HSPB2: variants seen among roughly 807,000 people sequenced by gnomAD.
The protein encoded by HSPB2 is heat shock protein family B (small) member 2, also known as heat shock protein beta-2.
Under a neutral mutation model 14.1 loss-of-function variants are expected in HSPB2, and 14 were observed. The ratio of observed to expected loss-of-function variants is 0.99; its 90% CI spans 0.66 to 1.55. The LOEUF (loss-of-function observed/expected upper bound fraction) is 1.55, where lower values mean the gene tolerates loss of function less well. Ranked by LOEUF, HSPB2 falls within the 40% of genes most tolerant of loss-of-function variation. The pLI is 0.00. For synonymous variants in HSPB2, 110 were observed against 103.4 expected (o/e 1.06, Z -0.39); for missense variants, 242 against 241.7 (o/e 1.00, Z -0.01).
chr11:111,913,217 C>T, intron 1 of HSPB2: 2 of 604,302 alleles, frequency 3.3e-6, no homozygotes, highest in South Asian at 2.0e-5. Flanking sequence ...TCCTCCTCCC[C>T]CTCCTCCTCC....
At position 111,913,858 on chromosome 11, in the gene HSPB2, C is replaced by A. The variant is rs1566416016; in HGVS notation, c.512C>A (p.Pro171Gln). 6.2e-7 allele frequency: 1 copy of A among 1,612,946 alleles called. No homozygotes were observed. Among genetic ancestry groups the A allele is most frequent in the Non-Finnish European group, 8.5e-7 (1 of 1,179,476 alleles). Residue 171 changes from proline to glutamine, a missense_variant, in exon 2 of 2, where the codon CCA (proline) becomes CAA (glutamine). Pro to Gln is a moderately conservative substitution (Grantham distance 76). Transcript: ENST00000304298. Reference sequence around the variant, plus strand: ...TCCCTGCTCCCTGCGCCTCCTGATCCAGAGGAAGAGGAGGAGGCAGCCATA... The same window carrying A: ...TCCCTGCTCCCTGCGCCTCCTGATCAAGAGGAAGAGGAGGAGGCAGCCATA... ...YISLLPAPPD[P>Q]EEEEEAAIVE...
rs1965557779 is a variant in HSPB2 at position 111,914,051 on chromosome 11, G to C, written c.*156G>C. On this transcript the variant is annotated 3_prime_UTR_variant, in exon 2 of 2. Transcript: ENST00000304298. ...GTCCCATGGGACATGTCATAGCCTT[G>C]GTTTAGTTTTGGGTGGAGCTGAATA... 1 of 719,358 alleles carries C rather than the reference G, an allele frequency of 1.4e-6. No homozygotes were observed. The highest frequency in any genetic ancestry group is 1.8e-5 in the African/African-American group (1 of 55,938). The allele number at this position is 719,358 out of a possible 1,614,324, so 44.6% of individuals were successfully genotyped here.
In HSPB2 at chr11:111,913,927, C is replaced by A. The variant is rs782391081; in HGVS notation, c.*32C>A. On this transcript the variant is annotated 3_prime_UTR_variant, in exon 2 of 2. Coordinates refer to ENST00000304298, the MANE Select transcript of HSPB2 (RefSeq NM_001541.4). ...CAGACCCAGCACCCAGCAAATCCCT[C>A]TCTACCTCCCAAGGTGATATGGGCA... 6.4e-7 allele frequency: 1 copy of A among 1,556,912 alleles called. No individual in the cohort carries two copies. The highest frequency in any genetic ancestry group is 8.7e-7 in the Non-Finnish European group (1 of 1,149,182).
chr11:111,912,981 G>C, intron 1 of HSPB2, 58 bp downstream of exon 1: 2 of 1,349,368 alleles, frequency 1.5e-6, no homozygotes, highest in Non-Finnish European at 2.0e-6. Flanking sequence ...ATTCTGGGCT[G>C]ACCTCCCAAC....
rs949222356 is a variant in HSPB2 at position 111,914,067 on chromosome 11, G to T, written c.*172G>T. On this transcript the variant is annotated 3_prime_UTR_variant, in exon 2 of 2. Coordinates refer to ENST00000304298, the MANE Select transcript of HSPB2 (RefSeq NM_001541.4). ...CATAGCCTTGGTTTAGTTTTGGGTG[G>T]AGCTGAATAAACCCAAATCTCAGGG... is the stretch of plus-strand genomic sequence containing the variant. The T allele has an allele frequency of 1.5e-6, 1 of 657,562 alleles. No individual in the cohort carries two copies. The highest frequency in any genetic ancestry group is 2.5e-6 in the Non-Finnish European group (1 of 392,270). 40.7% of individuals were successfully genotyped at this position (657,562 alleles called of 1,614,324 possible).
Position 111,913,878 on chromosome 11 carries a change from G to A in HSPB2, c.532G>A (p.Ala178Thr), listed in dbSNP as rs146155375. The change falls in exon 2 of 2, where the codon GCC (alanine) becomes ACC (threonine). Residue 178 changes from alanine (A) to threonine (T), a missense_variant. Transcript: ENST00000304298. ...PPDPEEEEEAAIVEP is the reference protein window; with the variant it reads ...PPDPEEEEEATIVEP ...TGATCCAGAGGAAGAGGAGGAGGCA[G>A]CCATAGTTGAGCCCTGATTGCCACA... The A allele has an allele frequency of 2.2e-5, 35 of 1,609,594 alleles. No individual in the cohort carries two copies. The African/African-American group carries it at 3.5e-4, about 16-fold the overall frequency.
At chr11:111,913,167 C>G (rs911206126) in intron 1 of HSPB2, 2 of 605,224 alleles carry the variant, frequency 3.3e-6, no homozygotes, top group Non-Finnish European at 5.9e-6. Flanking sequence ...GGTGTGCCTC[C>G]TTGTCCCCCT....
chr11:111,913,073 T>G, intron 1 of HSPB2, 150 bp downstream of exon 1: 1 of 539,908 alleles, frequency 1.9e-6, no homozygotes, highest in East Asian at 3.2e-5. Context: ...CCTCATCCCC[T>G]CCAAGCAGAG....
rs782052133 is a variant in HSPB2 at position 111,913,750 on chromosome 11, C to T, written c.404C>T (p.Ala135Val). 6.2e-7 allele frequency: 1 copy of T among 1,614,192 alleles called. No homozygotes were observed. The highest frequency in any genetic ancestry group is 8.5e-7 in the Non-Finnish European group (1 of 1,180,042). ...ADVDPWRVRA[A>V]LSHDGILNLE... The stretch of plus-strand genomic sequence containing the variant: ...GTCGACCCCTGGCGAGTCCGAGCTG[C>T]TCTCTCCCATGATGGCATCTTAAAC... Residue 135 changes from alanine to valine, a missense_variant, in exon 2 of 2, where the codon GCT (alanine) becomes GTT (valine). Physicochemically the swap from Ala to Val is moderately conservative, Grantham distance 64. Transcript: ENST00000304298.
At chr11:111,913,266 C>T in intron 1 of HSPB2, 175 bp from the exon 2 acceptor site, 5 of 634,090 alleles carry the variant, frequency 7.9e-6, no homozygotes, top group Non-Finnish European at 1.1e-5. Context: ...CGTTCTCTTT[C>T]CCCTCTTCCG....
Position 111,913,974 on chromosome 11 carries a change from A to T in HSPB2, c.*79A>T. The T allele has an allele frequency of 7.2e-6, 9 of 1,245,568 alleles. No individual in the cohort carries two copies. The highest frequency in any genetic ancestry group is 1.0e-5 in the Non-Finnish European group (9 of 897,496). The allele number at this position is 1,245,568 out of a possible 1,614,324, so 77.2% of individuals were successfully genotyped here. On this transcript the variant is annotated 3_prime_UTR_variant, in exon 2 of 2. Coordinates refer to ENST00000304298, the MANE Select transcript of HSPB2 (RefSeq NM_001541.4). ...GGCAGCTGCCCACCACTCCAGAGGT[A>T]GCAGCATCCTTGGGGGAAGGGAAAG...
chr11:111,913,426 C>G lies in HSPB2; in HGVS notation c.95-15C>G. On this transcript the variant is annotated splice_polypyrimidine_tract_variant and intron_variant, in intron 1 of 1. Transcript: ENST00000304298. ...CCTCCCTCATCCTGCCTCTTGCCTT[C>G]TCTCTGCCCTTTAGGCCTCCTGCCA... is the stretch of plus-strand genomic sequence containing the variant. 1 of 1,588,838 alleles carries G rather than the reference C, an allele frequency of 6.3e-7. No individual in the cohort carries two copies.
chr11:111,913,004 CA>C, intron 1 of HSPB2, 81 bp downstream of exon 1: 1 of 1,059,892 alleles, frequency 9.4e-7, no homozygotes, highest in Non-Finnish European at 1.4e-6. Context: ...TGCTGGCCTC[CA>C]CCCCACTCTG....
intron 1 of HSPB2, 76 bp from the exon 2 acceptor site, chr11:111,913,365 T>C (rs1965532386): frequency 1.3e-5 from 15 of 1,160,900 alleles, no homozygotes; most frequent in Non-Finnish European, 1.7e-5. Context: ...ATCCCTCCTC[T>C]CCAGATTTCC....
In HSPB2 at chr11:111,912,924, G is replaced by T; in HGVS notation, c.94+1G>T. ...CTGGGTGAGCAGCGCTTCGGAGAAG[G>T]TATGGCACAGACACCACCCCCTTGC... is the stretch of plus-strand genomic sequence containing the variant. On this transcript the variant is annotated splice_donor_variant, in intron 1 of 1. Transcript: ENST00000304298. LOFTEE classifies it high-confidence loss of function. The T allele has an allele frequency of 6.3e-7, 1 of 1,597,332 alleles. No individual in the cohort carries two copies. Among genetic ancestry groups the T allele is most frequent in the Non-Finnish European group, 8.5e-7 (1 of 1,173,418 alleles).
At position 111,914,033 on chromosome 11, in the gene HSPB2, G is replaced by T. The variant is rs1965557337; in HGVS notation, c.*138G>T. On this transcript the variant is annotated 3_prime_UTR_variant, in exon 2 of 2. Coordinates refer to ENST00000304298, the MANE Select transcript of HSPB2 (RefSeq NM_001541.4). Reference sequence around the variant, plus strand: ...TCCACAATGTATGGTTTGGTCCCATGGGACATGTCATAGCCTTGGTTTAGT... The same window carrying T: ...TCCACAATGTATGGTTTGGTCCCATTGGACATGTCATAGCCTTGGTTTAGT... The T allele has an allele frequency of 1.3e-6, 1 of 787,450 alleles. No individual in the cohort carries two copies. The highest frequency in any genetic ancestry group is 2.9e-5 in the Admixed American group (1 of 34,238). The allele number at this position is 787,450 out of a possible 1,614,324, so 48.8% of individuals were successfully genotyped here.
chr11:111,913,241 C>T lies in HSPB2; in HGVS notation c.95-200C>T, dbSNP rs1555165830. On this transcript the variant is annotated intron_variant, in intron 1 of 1. Transcript: ENST00000304298. ...CCCTCCTCCTCCTTCTCCTCCTCCT[C>T]CTCCCTTTCCTTTCCGTTCTCTTTC... The T allele has an allele frequency of 8.7e-5, 54 of 618,234 alleles. 1 individual carries two copies. In the South Asian group the frequency reaches 1.0e-3, roughly 12 times the overall value. The allele number at this position is 618,234 out of a possible 1,614,324, so 38.3% of individuals were successfully genotyped here. A position where few individuals can be genotyped will look rare whatever the true frequency, so the allele number is the denominator to read the frequency against.
rs1050526 is a variant in HSPB2, at chr11:111,913,826, C to T, written c.480C>T (p.Val160=). The T allele has an allele frequency of 1.9e-6, 3 of 1,614,096 alleles. No individual in the cohort carries two copies. Among genetic ancestry groups the T allele is most frequent in the South Asian group, 1.1e-5 (1 of 91,080 alleles). ...GRHLDTEVNE[V]YISLLPAPPD... Reference sequence around the variant, plus strand: ...ATTTGGACACAGAGGTCAATGAGGTCTACATCTCCCTGCTCCCTGCGCCTC... The same window carrying T: ...ATTTGGACACAGAGGTCAATGAGGTTTACATCTCCCTGCTCCCTGCGCCTC... Residue 160 remains valine (V), a synonymous_variant, in exon 2 of 2, where the codon GTC becomes GTT. Transcript: ENST00000304298.
chr11:111,912,780 C>T lies in HSPB2; in HGVS notation c.-50C>T. On this transcript the variant is annotated 5_prime_UTR_variant, in exon 1 of 2. Coordinates refer to ENST00000304298, the MANE Select transcript of HSPB2 (RefSeq NM_001541.4). ...CCGGGCAGCTGGAGGGGTCGCGCTGCGCCTGTTGGGGCTGCACCTCGGACC... is the reference window on the plus strand; with the variant it reads ...CCGGGCAGCTGGAGGGGTCGCGCTGTGCCTGTTGGGGCTGCACCTCGGACC... 2 of 1,455,300 alleles carry T rather than the reference C, an allele frequency of 1.4e-6. No homozygotes were observed. Among genetic ancestry groups the T allele is most frequent in the South Asian group, 1.2e-5 (1 of 82,542 alleles). The allele number at this position is 1,455,300 out of a possible 1,614,324, so 90.1% of individuals were successfully genotyped here.
Sources: allele counts gnomAD v4.1 joint callset, GRCh38; gene constraint gnomAD v4.1.1; transcripts MANE v1.5; gene names NCBI Gene and HGNC (gene_info 2026-07-23, HGNC 2026-07-21).